BCAP31: variants seen among roughly 807,000 people sequenced by gnomAD.
BCAP31 encodes the protein B cell receptor associated protein 31.
For missense variants in BCAP31, 124 were observed against 193.0 expected, an observed-to-expected ratio of 0.64 and a Z score of 2.12; for synonymous variants, 75 against 80.9, an observed-to-expected ratio of 0.93 and a Z score of 0.39.
chrX:153,709,151 G>A (rs141215407), intron 4 of BCAP31, among the ~76,000 whole-genome samples: 1,567 of 111,514 alleles, frequency 0.014, 23 homozygotes, highest in African/African-American at 0.047. Context: ...GTAAGCTGGA[G>A]GGTAGAGAGC....
chrX:153,721,503 T>C (rs2091666466), intron 2 of BCAP31, among the ~76,000 whole-genome samples: 1 of 104,087 alleles, frequency 9.6e-6, no homozygotes, highest in Non-Finnish European at 2.0e-5. Flanking sequence ...TAATCTTTTT[T>C]TTTTTTTTTT....
At chrX:153,701,540 C>T (rs1368421799) in intron 7 of BCAP31, among the ~76,000 whole-genome samples, 1 of 112,868 alleles carries the variant, frequency 8.9e-6, no homozygotes, top group Non-Finnish European at 1.9e-5. Context: ...AGTCTGAGGA[C>T]TCAGATCAGG....
In BCAP31 at chrX:153,703,956, C is replaced by T. The variant is rs1557047909; in HGVS notation, c.477+3G>A. On this transcript the variant is annotated splice_donor_region_variant and intron_variant, in intron 5 of 7. Transcript: ENST00000345046. ...CCATGGTGGGTCGGGAAGCTGGGCT[C>T]ACCTTCTTGAGCTGGTCATTCTCCT... 1 of 1,210,800 alleles carries T rather than the reference C, an allele frequency of 8.3e-7. No individual in the cohort carries two copies. The highest frequency in any genetic ancestry group is 1.1e-6 in the Non-Finnish European group (1 of 894,769).
intron 1 of BCAP31, 166 bp downstream of exon 1, chrX:153,724,168 G>A (rs2091691037): frequency 8.2e-6 from 2 of 244,809 alleles, no homozygotes; most frequent in Admixed American, 5.5e-5. Flanking sequence ...TTCTAGAGGC[G>A]CCGCCCGGTT....
chrX:153,722,729 T>C (rs2091675823), intron 2 of BCAP31, among the ~76,000 whole-genome samples: 1 of 111,843 alleles, frequency 8.9e-6, no homozygotes, highest in Non-Finnish European at 1.9e-5. Context: ...GTAATGTTCA[T>C]GCAGCCACTG....
At chrX:153,719,460 A>G (rs1367424178) in intron 3 of BCAP31, among the ~76,000 whole-genome samples, 1 of 112,282 alleles carries the variant, frequency 8.9e-6, no homozygotes, top group Non-Finnish European at 1.9e-5. Context: ...CACCTACCCT[A>G]TGTGGTTGGA....
intron 3 of BCAP31, among the ~76,000 whole-genome samples, chrX:153,719,333 T>C (rs1424595056): frequency 9.0e-6 from 1 of 111,339 alleles, no homozygotes; most frequent in Non-Finnish European, 1.9e-5. Context: ...ACACATATAT[T>C]ACCTACCTAC....
At chrX:153,716,161 C>T (rs1343216688) in intron 3 of BCAP31, among the ~76,000 whole-genome samples, 13 of 103,051 alleles carry the variant, frequency 1.3e-4, no homozygotes, top group African/African-American at 4.3e-4. Context: ...AGCGAAACTC[C>T]ATCTCAAAAA....
At position 153,715,471 on chromosome X, in the gene BCAP31, C is replaced by T. The variant is rs2091620464; in HGVS notation, c.341+71G>A. On this transcript the variant is annotated intron_variant, in intron 4 of 7. Transcript: ENST00000345046. ...AAAGTCACAGGGGGGAGACTGAGCC[C>T]ACTGAGCTCGGTGTCCATGGCTAGC... The T allele has an allele frequency of 3.1e-5, 36 of 1,159,974 alleles. No homozygotes were observed. The South Asian group carries it at 6.6e-4, about 21-fold the overall frequency.
chrX:153,702,106 T>G lies in BCAP31; in HGVS notation c.603A>C (p.Lys201Asn). ...LKDELASTKQKLEKAENQVLA... is the reference protein window; with the variant it reads ...LKDELASTKQNLEKAENQVLA... Reference sequence around the variant, plus strand: ...GAACCTGGTTTTCAGCTTTCTCTAGTTCTTGAAATGATGTAAATGACCAAG... The same window carrying G: ...GAACCTGGTTTTCAGCTTTCTCTAGGTCTTGAAATGATGTAAATGACCAAG... The change falls in exon 7 of 8, where the codon AAA (lysine) becomes AAC (asparagine). Residue 201 changes from lysine to asparagine, a missense_variant and splice_region_variant. Lys to Asn is a moderately conservative substitution (Grantham distance 94). Transcript: ENST00000345046. The G allele has an allele frequency of 8.4e-7, 1 of 1,197,306 alleles. No homozygotes were observed. The highest frequency in any genetic ancestry group is 1.1e-6 in the Non-Finnish European group (1 of 885,013).
chrX:153,704,303 C>T (rs1215606978), intron 4 of BCAP31, among the ~76,000 whole-genome samples: 2 of 112,135 alleles, frequency 1.8e-5, no homozygotes, highest in African/African-American at 6.5e-5. Flanking sequence ...CTGTGCCCAA[C>T]GGCCACCCTC....
chrX:153,715,497 C>T (rs1251855094), intron 4 of BCAP31, 45 bp downstream of exon 4: 2 of 1,199,435 alleles, frequency 1.7e-6, no homozygotes, highest in East Asian at 3.0e-5. Context: ...CATGGCTAGC[C>T]CATGGCTCCT....
intron 1 of BCAP31, 24 bp downstream of exon 1, chrX:153,724,310 G>A: frequency 6.2e-6 from 1 of 160,151 alleles, no homozygotes; most frequent in Non-Finnish European, 1.2e-5. Flanking sequence ...CCGGAGCCCA[G>A]CCCGGCGCGC....
At chrX:153,710,474 G>A (rs2091583716) in intron 4 of BCAP31, among the ~76,000 whole-genome samples, 2 of 111,786 alleles carry the variant, frequency 1.8e-5, no homozygotes, top group Non-Finnish European at 3.8e-5. Flanking sequence ...AAATGGCCAC[G>A]ATGGTTGGGC....
intron 1 of BCAP31, chrX:153,723,579 G>A (rs924747271): frequency 2.6e-6 from 3 of 1,168,270 alleles, no homozygotes; most frequent in East Asian, 3.2e-5. Flanking sequence ...CAGGAAGCCC[G>A]AGATTTCCGA....
chrX:153,703,860 A>G, intron 5 of BCAP31, 99 bp downstream of exon 5: 1 of 1,108,212 alleles, frequency 9.0e-7, no homozygotes, highest in Non-Finnish European at 1.2e-6. Context: ...CACATTTCCC[A>G]GCGTGACAGG....
rs782050896 is a variant in BCAP31 at position 153,715,618 on chromosome X, T to C, written c.265A>G (p.Met89Val). The change falls in exon 4 of 8, where the codon ATG (methionine) becomes GTG (valine). Residue 89 changes from methionine (M) to valine (V), a missense_variant. Met to Val is a conservative substitution (Grantham distance 21). Transcript: ENST00000345046. Reference protein sequence around the residue: ...KVNLQNNPGAMEHFHMKLFRA... With the variant: ...KVNLQNNPGAVEHFHMKLFRA... ...AAAAGCTTCATGTGGAAGTGCTCCA[T>C]GGCCCCGGGATTGTTCTGGAGGTTC... The C allele has an allele frequency of 9.1e-6, 11 of 1,209,545 alleles. No homozygotes were observed. The highest frequency in any genetic ancestry group is 1.1e-5 in the Non-Finnish European group (10 of 894,834).
chrX:153,716,355 A>T (rs2091627547), intron 3 of BCAP31, among the ~76,000 whole-genome samples: 1 of 108,841 alleles, frequency 9.2e-6, no homozygotes, highest in African/African-American at 3.4e-5. Context: ...TGTTCTGTTC[A>T]TCTCAAGTTG....
chrX:153,702,857 G>A, intron 6 of BCAP31, 78 bp downstream of exon 6: 1 of 1,164,938 alleles, frequency 8.6e-7, no homozygotes, highest in Non-Finnish European at 1.1e-6. Context: ...CTAATACTTT[G>A]GCACAAAATG....
Sources: allele counts gnomAD v4.1 joint callset (sites outside exome capture counted in the v4.1 genomes callset), GRCh38; gene constraint gnomAD v4.1.1; transcripts MANE v1.5; gene names NCBI Gene and HGNC (gene_info 2026-07-23, HGNC 2026-07-21).